The following NEGR1 variants were observed in gnomAD, a reference collection of about 807,000 sequenced individuals.
NEGR1 encodes IgLON family member 4.
Under a neutral mutation model 40.9 loss-of-function variants are expected in NEGR1, and 10 were observed. The ratio of observed to expected loss-of-function variants is 0.24; its 90% CI spans 0.15 to 0.42. The LOEUF is 0.42. Among genes scored for constraint, NEGR1 ranks in the 10% least tolerant of loss-of-function variants. NEGR1 has a pLI of 1.00. For synonymous variants in NEGR1, 185 were observed against 166.8 expected, an observed-to-expected ratio of 1.11 and a Z score of -0.84; for missense variants, 352 against 438.9, an observed-to-expected ratio of 0.80 and a Z score of 1.77.
At chr1:71,823,049 G>C (rs1658491150) in intron 2 of NEGR1, among the ~76,000 whole-genome samples, 1 of 151,922 alleles carries the variant, frequency 6.6e-6, no homozygotes, top group Admixed American at 6.6e-5. Context: ...AGAATACAAA[G>C]GTCTAGGAAT....
At chr1:72,169,112 C>T (rs1388652334) in intron 1 of NEGR1, among the ~76,000 whole-genome samples, 1 of 152,024 alleles carries the variant, frequency 6.6e-6, no homozygotes, top group Non-Finnish European at 1.5e-5. Context: ...TAATTATTTT[C>T]TCCATACAAA....
intron 6 of NEGR1, among the ~76,000 whole-genome samples, chr1:71,479,642 A>G (rs181745040): frequency 3.9e-5 from 6 of 152,124 alleles, no homozygotes; most frequent in Admixed American, 3.3e-4. Context: ...CTTCTGGGAA[A>G]CTGTTTTCGC....
chr1:71,757,214 G>A (rs1655775406), intron 3 of NEGR1, among the ~76,000 whole-genome samples: 1 of 152,058 alleles, frequency 6.6e-6, no homozygotes, highest in African/African-American at 2.4e-5. Context: ...GGTTTTGACT[G>A]TCTTCCCTCT....
chr1:72,231,347 T>A (rs1654357721), intron 1 of NEGR1, among the ~76,000 whole-genome samples: 1 of 152,122 alleles, frequency 6.6e-6, no homozygotes, highest in South Asian at 2.1e-4. Context: ...GGACAAACTC[T>A]GAATCAAGAA....
At chr1:72,010,986 T>C (rs1320098410) in intron 1 of NEGR1, among the ~76,000 whole-genome samples, 1 of 150,032 alleles carries the variant, frequency 6.7e-6, no homozygotes, top group African/African-American at 2.5e-5. Context: ...CAATGGGAAA[T>C]TGAAAGGTGA....
chr1:71,793,432 T>A (rs1328476979), intron 2 of NEGR1, among the ~76,000 whole-genome samples: 1 of 148,862 alleles, frequency 6.7e-6, no homozygotes, highest in African/African-American at 2.5e-5. Flanking sequence ...CAGCAACAAA[T>A]AAATAACAGG....
rs59526560 is a variant in NEGR1, at chr1:72,140,224, T to TTTGTTGTTGTTG, written c.176+142083_176+142094dup. 5.3e-3 allele frequency among the ~76,000 whole-genome samples: 796 copies of TTTGTTGTTGTTG among 150,712 alleles called. 8 individuals carry two copies. The highest frequency in any genetic ancestry group is 0.017 in the African/African-American group (704 of 41,048). On this transcript the variant is annotated intron_variant, in intron 1 of 6. Coordinates refer to ENST00000357731, the MANE Select transcript of NEGR1 (RefSeq NM_173808.3). ...CTCTTCAGGACTTAAGATAACTGTT[T>TTTGTTGTTGTTG]TTGTTGTTGTTGTTGTTGTTGTTGT...
chr1:71,980,943 C>G (rs1486132632), intron 1 of NEGR1, among the ~76,000 whole-genome samples: 1 of 152,022 alleles, frequency 6.6e-6, no homozygotes, highest in Admixed American at 6.6e-5. Flanking sequence ...TTTGTGTGAT[C>G]CCTTCAAAAA....
At chr1:71,820,240 C>T (rs1377362499) in intron 2 of NEGR1, among the ~76,000 whole-genome samples, 1 of 151,910 alleles carries the variant, frequency 6.6e-6, no homozygotes, top group Non-Finnish European at 1.5e-5. Flanking sequence ...AGCAAAAGAA[C>T]TCAAAGTTAG....
chr1:71,502,004 C>T (rs1517757), intron 6 of NEGR1, among the ~76,000 whole-genome samples: 38,845 of 152,088 alleles, frequency 0.26, 6,300 homozygotes, highest in East Asian at 0.61. Flanking sequence ...AGTGATTCTA[C>T]TTAAACTTCA....
chr1:71,958,231 C>A (rs898965152), intron 1 of NEGR1, among the ~76,000 whole-genome samples: 1 of 152,134 alleles, frequency 6.6e-6, no homozygotes, highest in Non-Finnish European at 1.5e-5. Flanking sequence ...TTCTACATTT[C>A]CCCCCTTAGG....
intron 1 of NEGR1, among the ~76,000 whole-genome samples, chr1:71,942,988 GTATATATATGTGTGTGTA>G (rs1319982593): frequency 3.3e-5 from 4 of 122,294 alleles, no homozygotes; most frequent in African/African-American, 1.2e-4. Context: ...GTATATATGT[GTATATATATGTGTGTGTA>G]TATATATATG....
intron 2 of NEGR1, among the ~76,000 whole-genome samples, chr1:71,817,406 C>T (rs1557663875): frequency 3.3e-5 from 5 of 152,172 alleles, no homozygotes; most frequent in Middle Eastern, 3.4e-3. Flanking sequence ...CTTAGTTAGA[C>T]GTTCATCACA....
chr1:72,055,542 C>T (rs1254509042), intron 1 of NEGR1, among the ~76,000 whole-genome samples: 3 of 150,852 alleles, frequency 2.0e-5, no homozygotes, highest in Non-Finnish European at 4.5e-5. Context: ...TGCCTGAACA[C>T]GCAGGTACAT....
intron 2 of NEGR1, among the ~76,000 whole-genome samples, chr1:71,878,042 T>G (rs1369466346): frequency 6.6e-6 from 1 of 152,202 alleles, no homozygotes; most frequent in Non-Finnish European, 1.5e-5. Flanking sequence ...TTCAAAATCA[T>G]CCTCTCCTGG....
At chr1:72,257,999 G>T (rs1325790150) in intron 1 of NEGR1, among the ~76,000 whole-genome samples, 1 of 152,094 alleles carries the variant, frequency 6.6e-6, no homozygotes, top group African/African-American at 2.4e-5. Flanking sequence ...GTCCTAAGTT[G>T]AGGATGGCAA....
intron 4 of NEGR1, among the ~76,000 whole-genome samples, chr1:71,643,278 A>T (rs1269146752): frequency 6.6e-6 from 1 of 152,006 alleles, no homozygotes; most frequent in Non-Finnish European, 1.5e-5. Flanking sequence ...ACATTAATGC[A>T]ACGTATTTGG....
Position 71,999,632 on chromosome 1 carries a change from AAT to A in NEGR1, c.177-64323_177-64322del, listed in dbSNP as rs528857972. On this transcript the variant is annotated intron_variant, in intron 1 of 6. Coordinates refer to ENST00000357731, the MANE Select transcript of NEGR1 (RefSeq NM_173808.3). ...ATGTATTTGCATCTTGAGCAAAGCA[AAT>A]ATATATATATATATATATATATATA... Among the ~76,000 whole-genome samples, 211 of 48,324 alleles carry A rather than the reference AAT, an allele frequency of 4.4e-3. 1 individual carries two copies. The highest frequency in any genetic ancestry group is 8.1e-3 in the African/African-American group (86 of 10,680). 31.7% of individuals were successfully genotyped at this position (48,324 alleles called of 152,430 possible). A position where few individuals can be genotyped will look rare whatever the true frequency, so the allele number is the denominator to read the frequency against.
intron 4 of NEGR1, among the ~76,000 whole-genome samples, chr1:71,668,508 A>C (rs1389290367): frequency 1.3e-5 from 2 of 152,178 alleles, no homozygotes; most frequent in African/African-American, 4.8e-5. Context: ...AATTGATAGA[A>C]TATTTGCCTT....
Sources: allele counts gnomAD v4.1 joint callset (sites outside exome capture counted in the v4.1 genomes callset), GRCh38; gene constraint gnomAD v4.1.1; transcripts MANE v1.5; gene names NCBI Gene and HGNC (gene_info 2026-07-23, HGNC 2026-07-21).